Variants in ACSF2 observed in about 807,000 individuals in gnomAD.
ACSF2 encodes the protein medium-chain acyl-CoA ligase ACSF2, mitochondrial.
ACSF2 carries 52 observed loss-of-function variants against 79.3 expected under a neutral mutation model. The ratio of observed to expected loss-of-function variants is 0.66; its 90% CI spans 0.53 to 0.83. The LOEUF (loss-of-function observed/expected upper bound fraction) is 0.83. ACSF2 is among the 40% of genes least tolerant of loss of function. The probability of loss-of-function intolerance (pLI) is 0.00; values close to 1 mark genes in which losing one functional copy is unlikely to be tolerated. For missense variants in ACSF2, 661 were observed against 803.3 expected (o/e 0.82, Z 2.14); for synonymous variants, 283 against 312.6 (o/e 0.91, Z 1.00).
Position 50,462,255 on chromosome 17 carries a change from C to T in ACSF2, c.579C>T (p.Ile193=), listed in dbSNP as rs769457997. 6.2e-7 allele frequency: 1 copy of T among 1,614,074 alleles called. No homozygotes were observed. Among genetic ancestry groups the T allele is most frequent in the South Asian group, 1.1e-5 (1 of 91,062 alleles). The change falls in exon 5 of 16, where the codon ATC becomes ATT. Residue 193 remains isoleucine, a synonymous_variant. Transcript: ENST00000300441. ...TQQYYNVLKQ[I]CPEVENAQPG... is the part of the protein sequence containing the mutation. ...AATACTACAACGTCCTGAAGCAGAT[C>T]TGTCCAGAAGTGGAGAATGCCCAGC... is the stretch of plus-strand genomic sequence containing the variant.
rs1277482342 is a variant in ACSF2 at position 50,471,712 on chromosome 17, C to G, written c.1323+577C>G. On this transcript the variant is annotated intron_variant, in intron 11 of 15. Transcript: ENST00000300441. This position sits in a 1 kb window ranked among gnomAD's most constrained non-coding sequence, Gnocchi z 4.1. ...TCCCCTGCACCCTTCTGCTCCCGCC[C>G]CTGGGGGATCGCTGCCCCCGTGCAC... The G allele has an allele frequency of 6.3e-6, 1 of 159,670 alleles. No individual in the cohort carries two copies. Among genetic ancestry groups the G allele is most frequent in the Non-Finnish European group, 1.4e-5 (1 of 72,346 alleles). The allele number at this position is 159,670 out of a possible 1,614,324, so 9.9% of individuals were successfully genotyped here.
chr17:50,473,644 G>A, intron 12 of ACSF2, 21 bp from the exon 13 acceptor site: 1 of 1,614,100 alleles, frequency 6.2e-7, no homozygotes, highest in East Asian at 2.2e-5. Context: ...ATGACAGGTT[G>A]CCCCTGGGCT....
intron 1 of ACSF2, among the ~76,000 whole-genome samples, chr17:50,446,319 G>A (rs2031298602): frequency 6.6e-6 from 1 of 151,576 alleles, no homozygotes; most frequent in African/African-American, 2.4e-5. Context: ...TTTTTTGGAG[G>A]CAATCTTGGC....
intron 1 of ACSF2, among the ~76,000 whole-genome samples, chr17:50,440,853 C>T (rs1257503121): frequency 6.6e-6 from 1 of 152,240 alleles, no homozygotes; most frequent in Admixed American, 6.5e-5. Context: ...GGTGAGCTGG[C>T]TCACAAGAGC....
rs760961595 is a variant in ACSF2 at position 50,463,959 on chromosome 17, C to T, written c.1138+50C>T. On this transcript the variant is annotated intron_variant, in intron 9 of 15. Coordinates refer to ENST00000300441, the MANE Select transcript of ACSF2 (RefSeq NM_025149.6). The surrounding 1 kb of genome is among the most constrained non-coding windows in gnomAD (Gnocchi z 4.6). ...GGCTTGGGGAGGGGGCTGCTTCCCC[C>T]ACAGGAATGGCCCGGGTGAGTTAGC... The T allele has an allele frequency of 1.3e-6, 2 of 1,569,966 alleles. No individual in the cohort carries two copies. The highest frequency in any genetic ancestry group is 8.8e-7 in the Non-Finnish European group (1 of 1,142,136).
chr17:50,462,679 G>T (rs2032423883), intron 6 of ACSF2, 94 bp downstream of exon 6: 1 of 1,429,808 alleles, frequency 7.0e-7, no homozygotes, highest in Non-Finnish European at 9.6e-7. Context: ...GCAGAGGAGA[G>T]CATGCCTTCT....
chr17:50,452,561 T>C (rs1178886920), intron 1 of ACSF2, among the ~76,000 whole-genome samples: 1 of 151,994 alleles, frequency 6.6e-6, no homozygotes, highest in Admixed American at 6.6e-5. Context: ...AAATAGCTAA[T>C]GCATGCAGGG....
rs1465582419 is a variant in ACSF2, at chr17:50,462,437, C to T, written c.644C>T (p.Thr215Ile). The change falls in exon 6 of 16, where the codon ACA becomes ATA. Residue 215 changes from threonine (T) to isoleucine (I), a missense_variant. Thr to Ile is a moderately conservative substitution (Grantham distance 89). Transcript: ENST00000300441. ...LKSQRLPDLT[T>I]VISVDAPLPG... ...AACCCCAGGCTCCCAGATCTGACCA[C>T]AGTCATCTCGGTGGATGCCCCTTTG... 25 of 1,613,582 alleles carry T rather than the reference C, an allele frequency of 1.5e-5. No individual in the cohort carries two copies. Among genetic ancestry groups the T allele is most frequent in the Non-Finnish European group, 2.1e-5 (25 of 1,179,938 alleles).
chr17:50,465,127 A>G, intron 10 of ACSF2: 1 of 697,676 alleles, frequency 1.4e-6, no homozygotes. Context: ...AGTCCTGGGC[A>G]GGACCTTTTC....
chr17:50,460,277 C>T (rs763211928), intron 1 of ACSF2: 19 of 461,154 alleles, frequency 4.1e-5, no homozygotes, highest in African/African-American at 2.8e-4. Context: ...GGTCCAGGCA[C>T]GCTTCCCTGG....
chr17:50,444,434 A>G (rs2031156617), intron 1 of ACSF2, among the ~76,000 whole-genome samples: 1 of 152,106 alleles, frequency 6.6e-6, no homozygotes, highest in Admixed American at 6.6e-5. Context: ...GCATGCCTGT[A>G]GTCCCAGCTA....
chr17:50,446,813 G>A lies in ACSF2; in HGVS notation c.129-13864G>A, dbSNP rs190330028. Among the ~76,000 whole-genome samples, 387 of 152,242 alleles carry A rather than the reference G, an allele frequency of 2.5e-3. 2 individuals carry two copies. Among genetic ancestry groups the A allele is most frequent in the African/African-American group, 8.9e-3 (370 of 41,528 alleles). The stretch of plus-strand genomic sequence containing the variant: ...AACATTGTTTTATGAGATTCAGATT[G>A]CTGGGCATAATCATAGTTCCTTTGC... On this transcript the variant is annotated intron_variant, in intron 1 of 15. Coordinates refer to ENST00000300441, the MANE Select transcript of ACSF2 (RefSeq NM_025149.6).
chr17:50,446,440 T>C (rs1187173177), intron 1 of ACSF2, among the ~76,000 whole-genome samples: 1 of 152,128 alleles, frequency 6.6e-6, no homozygotes, highest in Non-Finnish European at 1.5e-5. Context: ...GTATTTTTAG[T>C]AGAGACGGGG....
At chr17:50,466,808 C>A (rs1357437741) in intron 10 of ACSF2, among the ~76,000 whole-genome samples, 1 of 152,224 alleles carries the variant, frequency 6.6e-6, no homozygotes, top group Non-Finnish European at 1.5e-5. Flanking sequence ...TGTCTGGCCT[C>A]CCCTGCCCCA....
intron 1 of ACSF2, among the ~76,000 whole-genome samples, chr17:50,453,899 C>T (rs1231123519): frequency 6.6e-6 from 1 of 151,378 alleles, no homozygotes; most frequent in East Asian, 1.9e-4. Context: ...CCTGCCTCAG[C>T]GTCCCAAGTA....
intron 10 of ACSF2, among the ~76,000 whole-genome samples, chr17:50,469,467 C>T (rs2032994161): frequency 6.6e-6 from 1 of 152,216 alleles, no homozygotes; most frequent in Non-Finnish European, 1.5e-5. Context: ...TGGGTAGACC[C>T]GAGCTCCTTC....
chr17:50,441,033 C>T (rs1027628175), intron 1 of ACSF2, among the ~76,000 whole-genome samples: 7 of 152,244 alleles, frequency 4.6e-5, no homozygotes, highest in South Asian at 2.1e-4. Context: ...GACGGCTCCC[C>T]GTCAGCCTGC....
At chr17:50,473,385 A>G (rs2033205227) in intron 12 of ACSF2, 1 of 404,702 alleles carries the variant, frequency 2.5e-6, no homozygotes, top group East Asian at 4.2e-5. Flanking sequence ...ATGTCTGGAG[A>G]CATTTGAGCT....
At position 50,456,384 on chromosome 17, in the gene ACSF2, G is replaced by T. The variant is rs569665341; in HGVS notation, c.129-4293G>T. On this transcript the variant is annotated intron_variant, in intron 1 of 15. Coordinates refer to ENST00000300441, the MANE Select transcript of ACSF2 (RefSeq NM_025149.6). ...TCCACTGCTTTGGCCAAGCAGACAGGTGACCTGCAAGAGATGGGAACAGCC... is the reference window on the plus strand; with the variant it reads ...TCCACTGCTTTGGCCAAGCAGACAGTTGACCTGCAAGAGATGGGAACAGCC... Among the ~76,000 whole-genome samples, 4 of 152,282 alleles carry T rather than the reference G, an allele frequency of 2.6e-5. No individual in the cohort carries two copies. In the East Asian group the frequency reaches 7.7e-4, roughly 29 times the overall value.
Sources: allele counts gnomAD v4.1 joint callset (sites outside exome capture counted in the v4.1 genomes callset), GRCh38; gene constraint gnomAD v4.1.1; non-coding constraint Gnocchi (gnomAD v3.1); transcripts MANE v1.5; gene names NCBI Gene and HGNC (gene_info 2026-07-23, HGNC 2026-07-21).